RALB: variants seen among roughly 807,000 people sequenced by gnomAD.
RALB encodes the protein RAS like proto-oncogene B, also known as ras-related protein Ral-B.
RALB carries 16 observed loss-of-function variants against 21.3 expected under a neutral mutation model. The ratio of observed to expected loss-of-function variants is 0.75; its 90% CI spans 0.51 to 1.14. RALB has a LOEUF of 1.14. RALB is among the 50% of genes most tolerant of loss of function. The probability of loss-of-function intolerance (pLI) is 0.00; values close to 1 mark genes in which losing one functional copy is unlikely to be tolerated. For synonymous variants in RALB, 93 were observed against 96.1 expected (o/e 0.97, Z 0.19); for missense variants, 161 against 256.2 (o/e 0.63, Z 2.54).
intron 1 of RALB, among the ~76,000 whole-genome samples, chr2:120,240,419 G>C (rs1688875207): frequency 6.6e-6 from 1 of 151,924 alleles, no homozygotes; most frequent in Non-Finnish European, 1.5e-5. Context: ...TGAGTAGCTG[G>C]GACTACAGGT....
intron 1 of RALB, among the ~76,000 whole-genome samples, chr2:120,245,737 G>A (rs1052327182): frequency 1.6e-4 from 24 of 152,304 alleles, no homozygotes; most frequent in African/African-American, 5.8e-4. Flanking sequence ...GGGTGTGGAG[G>A]GGAGGGAGCC....
rs11545293 is a variant in RALB, at chr2:120,278,757, G to A, written c.93G>A (p.Thr31=). The stretch of plus-strand genomic sequence containing the variant: ...GAGGCGTTGGCAAGTCAGCCCTGAC[G>A]CTTCAGTTCATGTATGACGAGGTAA... ...GSGGVGKSAL[T]LQFMYDEFVE... The change falls in exon 2 of 5, where the codon ACG becomes ACA. Residue 31 remains threonine (T), a synonymous_variant. Transcript: ENST00000272519. The A allele has an allele frequency of 0.094, 149,374 of 1,580,944 alleles. 7,882 individuals carry two copies. The highest frequency in any genetic ancestry group is 0.11 in the Non-Finnish European group (125,160 of 1,162,144).
upstream of RALB, among the ~76,000 whole-genome samples, chr2:120,249,821 C>T (rs1330306509): frequency 6.6e-6 from 1 of 152,206 alleles, no homozygotes; most frequent in Non-Finnish European, 1.5e-5. Context: ...CCGAGAAGCC[C>T]CTGCATCATC....
intron 1 of RALB, among the ~76,000 whole-genome samples, chr2:120,278,036 C>CGT (rs144749079): frequency 0.67 from 95,717 of 142,290 alleles, 31,144 homozygotes; most frequent in Middle Eastern, 0.77. Flanking sequence ...AATGTGAGAG[C>CGT]GTGAGTGTGT....
rs1489380808 is a variant in RALB, at chr2:120,293,197, C to T, written c.558C>T (p.Asp186=). ...CAAAGAAGATGTCAGAAAACAAAGA[C>T]AAGAATGGCAAGAAAAGCAGCAAGA... ...IRTKKMSENK[D]KNGKKSSKNK... Residue 186 remains aspartate, a synonymous_variant, in exon 5 of 5, where the codon GAC becomes GAT. Coordinates refer to ENST00000272519, the MANE Select transcript of RALB (RefSeq NM_002881.3). 1 of 1,613,246 alleles carries T rather than the reference C, an allele frequency of 6.2e-7. No homozygotes were observed. The highest frequency in any genetic ancestry group is 1.3e-5 in the African/African-American group (1 of 74,860).
rs1413734518 is a variant in RALB, at chr2:120,285,883, G to C, written c.124G>C (p.Asp42His). 13 of 1,612,554 alleles carry C rather than the reference G, an allele frequency of 8.1e-6. No individual in the cohort carries two copies. The highest frequency in any genetic ancestry group is 1.1e-5 in the Non-Finnish European group (13 of 1,178,680). ...ATGTTTATTTCCTCAGTTTGTAGAA[G>C]ACTATGAACCTACCAAAGCTGACAG... ...LQFMYDEFVE[D>H]YEPTKADSYR... is the part of the protein sequence containing the mutation. Residue 42 changes from aspartate to histidine, a missense_variant, in exon 3 of 5, where the codon GAC (aspartate) becomes CAC (histidine). Physicochemically the swap from Asp to His is moderately conservative, Grantham distance 81. Transcript: ENST00000272519.
At chr2:120,261,572 G>A (rs1210654796) in intron 1 of RALB, among the ~76,000 whole-genome samples, 1 of 152,176 alleles carries the variant, frequency 6.6e-6, no homozygotes, top group African/African-American at 2.4e-5. Context: ...GTGATCATAA[G>A]TGCATTGAGA....
intron 4 of RALB, among the ~76,000 whole-genome samples, chr2:120,291,531 C>T (rs1411378044): frequency 1.3e-5 from 2 of 152,136 alleles, no homozygotes; most frequent in Admixed American, 1.3e-4. Context: ...CTCCCCTTGT[C>T]TGCTGGACCA....
At chr2:120,276,816 G>C (rs1055391303) in intron 1 of RALB, among the ~76,000 whole-genome samples, 2 of 152,130 alleles carry the variant, frequency 1.3e-5, no homozygotes, top group African/African-American at 4.8e-5. Context: ...CAAGGTAGGT[G>C]GTGGTTGGTT....
intron 4 of RALB, 150 bp from the exon 5 acceptor site, chr2:120,292,991 G>C: frequency 1.3e-6 from 1 of 754,700 alleles, no homozygotes; most frequent in Non-Finnish European, 1.9e-6. Flanking sequence ...TTGACTTTGT[G>C]CTTTAAAATG....
chr2:120,267,613 C>A (rs1689535406), intron 1 of RALB, among the ~76,000 whole-genome samples: 1 of 152,258 alleles, frequency 6.6e-6, no homozygotes, highest in East Asian at 1.9e-4. Context: ...AGTAAGACTG[C>A]AGCAGGCTTA....
rs1288998682 is a variant in RALB at position 120,294,447 on chromosome 2, TTCTAAATTGAGCAA to T, written c.*1188_*1201del. The T allele has an allele frequency of 5.1e-6, 2 of 395,196 alleles. No individual in the cohort carries two copies. Among genetic ancestry groups the T allele is most frequent in the Non-Finnish European group, 8.9e-6 (2 of 224,360 alleles). 24.5% of individuals were successfully genotyped at this position (395,196 alleles called of 1,614,324 possible). A position where few individuals can be genotyped will look rare whatever the true frequency, so the allele number is the denominator to read the frequency against. On this transcript the variant is annotated 3_prime_UTR_variant, in exon 5 of 5. Transcript: ENST00000272519. ...ATCTTTAAACTTTCTTGCATCAGTA[TTCTAAATTGAGCAA>T]ACTGAAAGATTTTCATCAGGAAAGG... is the stretch of plus-strand genomic sequence containing the variant.
chr2:120,258,254 T>A (rs10178718), intron 1 of RALB, among the ~76,000 whole-genome samples: 6,863 of 152,316 alleles, frequency 0.045, 550 homozygotes, highest in African/African-American at 0.16. Context: ...CTCCTCAGTG[T>A]CATCTTGTAC....
chr2:120,244,373 G>C (rs780365728), intron 1 of RALB, among the ~76,000 whole-genome samples: 12 of 151,988 alleles, frequency 7.9e-5, no homozygotes, highest in Non-Finnish European at 8.8e-5. Flanking sequence ...TCAGCTCAGT[G>C]GGAGCTGACC....
At chr2:120,279,543 T>C (rs1333686917) in intron 2 of RALB, among the ~76,000 whole-genome samples, 2 of 152,194 alleles carry the variant, frequency 1.3e-5, no homozygotes, top group African/African-American at 4.8e-5. Context: ...GTATTATGTA[T>C]TATAAGTAAT....
At chr2:120,258,699 A>G (rs527757596) in intron 1 of RALB, among the ~76,000 whole-genome samples, 1 of 152,290 alleles carries the variant, frequency 6.6e-6, no homozygotes, top group East Asian at 1.9e-4. Flanking sequence ...TTTGAAATGT[A>G]TGTTGGAGAT....
At chr2:120,277,514 TAG>T (rs1211947808) in intron 1 of RALB, among the ~76,000 whole-genome samples, 3 of 140,790 alleles carry the variant, frequency 2.1e-5, no homozygotes, top group Non-Finnish European at 4.6e-5. Context: ...ATGTGAACGT[TAG>T]AGCGTATGTG....
intron 2 of RALB, 21 bp from the exon 3 acceptor site, chr2:120,285,853 C>A: frequency 6.3e-7 from 1 of 1,598,508 alleles, no homozygotes; most frequent in South Asian, 1.1e-5. Flanking sequence ...TGTTAATTAC[C>A]GATAATGTTT....
At chr2:120,259,874 T>C (rs1473774630) in intron 1 of RALB, among the ~76,000 whole-genome samples, 3 of 152,200 alleles carry the variant, frequency 2.0e-5, no homozygotes, top group Admixed American at 2.0e-4. Flanking sequence ...CATGGTGGGC[T>C]GCAGGTCCCA....
Sources: gnomAD v4.1 joint callset for allele counts (sites outside exome capture counted in the v4.1 genomes callset) on GRCh38, gnomAD v4.1.1 for gene constraint, MANE v1.5 for transcripts, NCBI Gene and HGNC (gene_info 2026-07-23, HGNC 2026-07-21) for gene names.